The following SF3A1 variants were observed in gnomAD, a reference collection of about 807,000 sequenced individuals.
SF3A1 encodes SAP 114.
A neutral mutation model predicts 89.9 loss-of-function variants in SF3A1; 13 were observed. The observed-to-expected ratio is 0.14, with a 90% CI of 0.09 to 0.23. The LOEUF (loss-of-function observed/expected upper bound fraction) is 0.23, where lower values mean the gene tolerates loss of function less well. Among genes scored for constraint, SF3A1 ranks in the 10% least tolerant of loss-of-function variants. The pLI is 1.00. For missense variants in SF3A1, 604 were observed against 1,022.1 expected (o/e 0.59, Z 5.58); for synonymous variants, 405 against 374.4 (o/e 1.08, Z -0.94).
intron 8 of SF3A1, 104 bp from the exon 9 acceptor site, chr22:30,340,485 G>A (rs1025381107): frequency 2.5e-6 from 3 of 1,205,206 alleles, no homozygotes; most frequent in East Asian, 2.3e-5. Flanking sequence ...TCTATTCAGT[G>A]CCACTCTTGT....
At position 30,341,763 on chromosome 22, in the gene SF3A1, C is replaced by T. The variant is rs778436048; in HGVS notation, c.1000G>A (p.Asp334Asn). Residue 334 changes from aspartate (D) to asparagine (N), a missense_variant, in exon 7 of 16, where the codon GAC becomes AAC. Around this residue, in one of 9 missense-constraint regions of SF3A1, gnomAD observed 146 missense variants for 228.5 expected, o/e 0.64. Coordinates refer to ENST00000215793, the MANE Select transcript of SF3A1 (RefSeq NM_005877.6). ...GGCTCCTCCGCCTTCTCCTGTTTGT[C>T]ATCCTCCTCATCAGACTCGACCTCC... ...EMEVESDEED[D>N]KQEKAEEPPS... 2 of 1,614,148 alleles carry T rather than the reference C, an allele frequency of 1.2e-6. No homozygotes were observed. The highest frequency in any genetic ancestry group is 3.3e-5 in the Admixed American group (2 of 60,012).
rs1201549150 is a variant in SF3A1, at chr22:30,332,307, C to T, written c.*2287G>A. 1 of 152,180 alleles carries T rather than the reference C, an allele frequency of 6.6e-6. No homozygotes were observed. Among genetic ancestry groups the T allele is most frequent in the Non-Finnish European group, 1.5e-5 (1 of 68,038 alleles). The allele number at this position is 152,180 out of a possible 1,614,324, so 9.4% of individuals were successfully genotyped here. A position where few individuals can be genotyped will look rare whatever the true frequency, so the allele number is the denominator to read the frequency against. On this transcript the variant is annotated 3_prime_UTR_variant, in exon 16 of 16. Coordinates refer to ENST00000215793, the MANE Select transcript of SF3A1 (RefSeq NM_005877.6). ...AACTGAAAGTGAAATTCCTTAATGT[C>T]TACAATTCCTGGAGCCCTCTGCATG... is the stretch of plus-strand genomic sequence containing the variant.
chr22:30,336,354 C>T (rs984976333), intron 13 of SF3A1, among the ~76,000 whole-genome samples: 1 of 152,156 alleles, frequency 6.6e-6, no homozygotes, highest in Non-Finnish European at 1.5e-5. Context: ...CCCATCTCTA[C>T]TAAAATACTA....
In SF3A1 at chr22:30,344,959, T is replaced by A. The variant is rs774691589; in HGVS notation, c.625A>T (p.Thr209Ser). 1 of 1,614,188 alleles carries A rather than the reference T, an allele frequency of 6.2e-7. No individual in the cohort carries two copies. The highest frequency in any genetic ancestry group is 1.7e-5 in the Admixed American group (1 of 60,016). Residue 209 changes from threonine (T) to serine (S), a missense_variant, in exon 4 of 16, where the codon ACG (threonine) becomes TCG (serine). By Grantham distance (58) the Thr-to-Ser change is moderately conservative. Around this residue, in one of 9 missense-constraint regions of SF3A1, gnomAD observed 162 missense variants for 229.2 expected, o/e 0.71. Transcript: ENST00000215793. Reference sequence around the variant, plus strand: ...TTGGTGTACTGTTCCACTAGCTTCGTGAAGTAGTTGAAGAGGCTGTGCTGT... The same window carrying A: ...TTGGTGTACTGTTCCACTAGCTTCGAGAAGTAGTTGAAGAGGCTGTGCTGT... Reference protein sequence around the residue: ...RPQHSLFNYFTKLVEQYTKIL... With the variant: ...RPQHSLFNYFSKLVEQYTKIL...
intron 1 of SF3A1, among the ~76,000 whole-genome samples, chr22:30,355,821 C>CG (rs1168434260): frequency 9.0e-6 from 1 of 111,284 alleles, no homozygotes; most frequent in Non-Finnish European, 1.8e-5. Context: ...ATGTTCCCCC[C>CG]CCCCGCCCCC....
intron 13 of SF3A1, 44 bp from the exon 14 acceptor site, chr22:30,335,797 CA>C: frequency 6.8e-7 from 1 of 1,471,980 alleles, no homozygotes; most frequent in South Asian, 1.1e-5. Flanking sequence ...AGCTCGGAGC[CA>C]ATCAAGAACT....
intron 12 of SF3A1, 29 bp from the exon 13 acceptor site, chr22:30,337,209 G>A (rs1931095636): frequency 1.3e-6 from 2 of 1,583,104 alleles, no homozygotes; most frequent in Non-Finnish European, 1.7e-6. Flanking sequence ...GCAGCCCCAT[G>A]AGAGGGCAGA....
Position 30,356,716 on chromosome 22 carries a change from C to T in SF3A1, c.63+14G>A, listed in dbSNP as rs28627777. 2 of 1,479,956 alleles carry T rather than the reference C, an allele frequency of 1.4e-6. No individual in the cohort carries two copies. Among genetic ancestry groups the T allele is most frequent in the Non-Finnish European group, 1.8e-6 (2 of 1,110,388 alleles). 91.7% of individuals were successfully genotyped at this position (1,479,956 alleles called of 1,614,324 possible). On this transcript the variant is annotated intron_variant, in intron 1 of 15. Transcript: ENST00000215793. ...AACCCTCCGGCTGCAGGCTGAGGGG[C>T]GGGGGAGAGGTACCTGTTTGGGCTC... is the stretch of plus-strand genomic sequence containing the variant.
At chr22:30,343,919 G>T (rs1395513738) in intron 4 of SF3A1, among the ~76,000 whole-genome samples, 2 of 152,168 alleles carry the variant, frequency 1.3e-5, no homozygotes, top group Admixed American at 1.3e-4. Context: ...TTTCAAGTCA[G>T]ATCTTTGAGG....
At position 30,332,760 on chromosome 22, in the gene SF3A1, C is replaced by G. The variant is rs1247396375; in HGVS notation, c.*1834G>C. The G allele has an allele frequency of 6.6e-6, 1 of 152,172 alleles. No individual in the cohort carries two copies. Among genetic ancestry groups the G allele is most frequent in the Non-Finnish European group, 1.5e-5 (1 of 68,038 alleles). 9.4% of individuals were successfully genotyped at this position (152,172 alleles called of 1,614,324 possible). A position where few individuals can be genotyped will look rare whatever the true frequency, so the allele number is the denominator to read the frequency against. ...ATATTCATTCAGGAGCTCCAGGAAA[C>G]TGGATTTGCTCTCTAGAGGGCAGCT... On this transcript the variant is annotated 3_prime_UTR_variant, in exon 16 of 16. Coordinates refer to ENST00000215793, the MANE Select transcript of SF3A1 (RefSeq NM_005877.6).
In SF3A1 at chr22:30,341,926, AC is replaced by A. The variant is rs1214269082; in HGVS notation, c.878-42del. 5 of 1,583,816 alleles carry A rather than the reference AC, an allele frequency of 3.2e-6. No homozygotes were observed. In the East Asian group the frequency reaches 1.1e-4, roughly 35 times the overall value. On this transcript the variant is annotated intron_variant, in intron 6 of 15. Coordinates refer to ENST00000215793, the MANE Select transcript of SF3A1 (RefSeq NM_005877.6). ...GAGGCAAAGGTATTCCTTATCAAAG[AC>A]CCACCTATTTGCCCTGTCTGAGCTC... is the stretch of plus-strand genomic sequence containing the variant.
At position 30,353,918 on chromosome 22, in the gene SF3A1, C is replaced by T. The variant is rs371354415; in HGVS notation, c.64-846G>A. On this transcript the variant is annotated intron_variant, in intron 1 of 15. Transcript: ENST00000215793. ...CCAGAATCCAGGCCATGTCTGTAAC[C>T]CTGCACCCAGCGATGGGCTTGGCAT... is the stretch of plus-strand genomic sequence containing the variant. Among the ~76,000 whole-genome samples the T allele has an allele frequency of 3.3e-5, 5 of 152,264 alleles. No homozygotes were observed. The East Asian group carries it at 9.6e-4, about 29-fold the overall frequency.
At chr22:30,348,101 GA>G (rs1259348427) in intron 2 of SF3A1, among the ~76,000 whole-genome samples, 4 of 152,344 alleles carry the variant, frequency 2.6e-5, no homozygotes, top group Admixed American at 6.5e-5. Flanking sequence ...CTCCCAAAGT[GA>G]TAGGATTATA....
intron 8 of SF3A1, 85 bp from the exon 9 acceptor site, chr22:30,340,466 A>C (rs1279911964): frequency 3.7e-6 from 5 of 1,345,176 alleles, no homozygotes; most frequent in Non-Finnish European, 5.3e-6. Context: ...TGCATCATTC[A>C]TCAAGGCATC....
chr22:30,342,334 T>G lies in SF3A1; in HGVS notation c.743A>C (p.Glu248Ala). Residue 248 changes from glutamate (E) to alanine (A), a missense_variant, in exon 6 of 16, where the codon GAA becomes GCA. Around this residue, in one of 9 missense-constraint regions of SF3A1, gnomAD observed 162 missense variants for 229.2 expected, o/e 0.71. Transcript: ENST00000215793. ...EVLDQVCYRVEWAKFQERERK... is the reference protein window; with the variant it reads ...EVLDQVCYRVAWAKFQERERK... ...CTCACGTTCCTGGAATTTGGCCCATTCCACTCGGTAACACACCTGCAGAGA... is the reference window on the plus strand; with the variant it reads ...CTCACGTTCCTGGAATTTGGCCCATGCCACTCGGTAACACACCTGCAGAGA... 6.2e-7 allele frequency: 1 copy of G among 1,610,454 alleles called. No homozygotes were observed. The highest frequency in any genetic ancestry group is 8.5e-7 in the Non-Finnish European group (1 of 1,178,256).
intron 1 of SF3A1, among the ~76,000 whole-genome samples, chr22:30,355,004 T>C (rs1306194389): frequency 6.6e-6 from 1 of 152,182 alleles, no homozygotes; most frequent in Non-Finnish European, 1.5e-5. Context: ...TCTTATAACC[T>C]TTAGAAGAAG....
At chr22:30,344,464 C>T (rs1450544141) in intron 4 of SF3A1, among the ~76,000 whole-genome samples, 7 of 152,228 alleles carry the variant, frequency 4.6e-5, no homozygotes, top group Non-Finnish European at 1.0e-4. Flanking sequence ...CAGCATAGTA[C>T]TTACTAGCTG....
intron 4 of SF3A1, 79 bp downstream of exon 4, chr22:30,344,854 T>C: frequency 6.6e-7 from 1 of 1,514,762 alleles, no homozygotes; most frequent in Non-Finnish European, 9.0e-7. Context: ...TTGTAGACAG[T>C]GAGTGGACAC....
chr22:30,348,779 A>T (rs1931496592), intron 2 of SF3A1, among the ~76,000 whole-genome samples: 1 of 152,216 alleles, frequency 6.6e-6, no homozygotes, highest in Admixed American at 6.5e-5. Context: ...ATCCTGCTAA[A>T]CTAGGCCACT....
Sources: gnomAD v4.1 joint callset for allele counts (sites outside exome capture counted in the v4.1 genomes callset) on GRCh38, gnomAD v4.1.1 for gene constraint, gnomAD v4.1.1 regional missense constraint, MANE v1.5 for transcripts, NCBI Gene and HGNC (gene_info 2026-07-23, HGNC 2026-07-21) for gene names.